TRIQK: variants seen among roughly 807,000 people sequenced by gnomAD.
The protein encoded by TRIQK is triple QxxK/R motif containing, also known as triple QxxK/R motif-containing protein.
In TRIQK, 10 loss-of-function variants were observed where a neutral mutation model predicts 10.8. That is an observed-to-expected ratio of 0.92 (90% CI 0.57 to 1.57). The LOEUF (loss-of-function observed/expected upper bound fraction) is 1.57, where lower values mean the gene tolerates loss of function less well. Among genes scored for constraint, TRIQK ranks in the 40% most tolerant of loss-of-function variants. TRIQK has a pLI of 0.00. For synonymous variants in TRIQK, 33 were observed against 33.7 expected (o/e 0.98, Z 0.07); for missense variants, 107 against 97.7 (o/e 1.09, Z -0.40).
chr8:92,930,057 A>T (rs999932182), intron 2 of TRIQK, among the ~76,000 whole-genome samples: 2 of 151,666 alleles, frequency 1.3e-5, no homozygotes, highest in African/African-American at 2.4e-5. Flanking sequence ...ATAAAAAATA[A>T]AAATAAATAA....
At chr8:93,004,785 A>C (rs1453623468) in intron 1 of TRIQK, among the ~76,000 whole-genome samples, 2 of 152,226 alleles carry the variant, frequency 1.3e-5, no homozygotes, top group Admixed American at 1.3e-4. Context: ...TCCCTACAGC[A>C]GGGGCACAAT....
chr8:92,968,653 T>C (rs937159513), upstream of TRIQK, among the ~76,000 whole-genome samples: 1 of 151,480 alleles, frequency 6.6e-6, no homozygotes, highest in Non-Finnish European at 1.5e-5. Context: ...CGGTTGTTTG[T>C]TTTTTTCTTG....
At chr8:92,992,057 A>C (rs379345) in intron 1 of TRIQK, among the ~76,000 whole-genome samples, 104,774 of 152,016 alleles carry the variant, frequency 0.69, 36,486 homozygotes, top group South Asian at 0.78. Context: ...TGAGCAAGAC[A>C]CTGTCTCAAA....
chr8:92,960,304 T>C (rs1812387764), intron 1 of TRIQK, among the ~76,000 whole-genome samples: 1 of 152,170 alleles, frequency 6.6e-6, no homozygotes, highest in Non-Finnish European at 1.5e-5. Context: ...ATATCATCTT[T>C]TTATGATTTC....
intron 2 of TRIQK, among the ~76,000 whole-genome samples, chr8:92,930,850 T>C (rs1380560185): frequency 2.6e-5 from 4 of 152,082 alleles, no homozygotes; most frequent in Admixed American, 1.3e-4. Flanking sequence ...ATCACAGGAA[T>C]AAAAAAACTT....
chr8:92,901,799 A>T (rs10102922), intron 3 of TRIQK, among the ~76,000 whole-genome samples: 3 of 152,002 alleles, frequency 2.0e-5, no homozygotes, highest in African/African-American at 4.8e-5. Flanking sequence ...CTATTTTTTG[A>T]AAGTTTGAGT....
At position 92,931,878 on chromosome 8, in the gene TRIQK, C is replaced by T. The variant is rs149610863; in HGVS notation, c.-21-14868G>A. Among the ~76,000 whole-genome samples, 26 of 152,158 alleles carry T rather than the reference C, an allele frequency of 1.7e-4. No individual in the cohort carries two copies. The East Asian group carries it at 3.1e-3, about 18-fold the overall frequency. On this transcript the variant is annotated intron_variant, in intron 2 of 4. Transcript: ENST00000521988. ...TAGTTTTATCACCCATAAGGTGTTG[C>T]GGTACCAGGAAAGAATGGCAAGTCT... is the stretch of plus-strand genomic sequence containing the variant.
At chr8:92,981,252 T>C (rs963147283) in intron 1 of TRIQK, among the ~76,000 whole-genome samples, 1 of 151,908 alleles carries the variant, frequency 6.6e-6, no homozygotes, top group African/African-American at 2.4e-5. Context: ...GGTGGCTTTT[T>C]TGAGGTCTCT....
intron 2 of TRIQK, among the ~76,000 whole-genome samples, chr8:92,918,826 G>GT (rs1810010830): frequency 6.6e-6 from 1 of 150,978 alleles, no homozygotes; most frequent in Admixed American, 6.6e-5. Context: ...TTTTCCCAAT[G>GT]TTTTTTTCCA....
chr8:92,898,833 G>GTGTATA (rs1256723943), intron 3 of TRIQK, among the ~76,000 whole-genome samples: 4 of 73,920 alleles, frequency 5.4e-5, no homozygotes, highest in South Asian at 5.7e-4. Context: ...GTGTGTGTGT[G>GTGTATA]TATATATATA....
chr8:93,000,876 A>C (rs1159723858), intron 1 of TRIQK, among the ~76,000 whole-genome samples: 6 of 143,810 alleles, frequency 4.2e-5, no homozygotes, highest in Non-Finnish European at 7.5e-5. Flanking sequence ...CCAAACCACA[A>C]AGGATTAAAA....
chr8:93,008,538 CA>C (rs1813296981), intron 1 of TRIQK, among the ~76,000 whole-genome samples: 1 of 152,010 alleles, frequency 6.6e-6, no homozygotes, highest in Non-Finnish European at 1.5e-5. Flanking sequence ...GAATCCAAAG[CA>C]ATCTTCAAAA....
intron 3 of TRIQK, among the ~76,000 whole-genome samples, chr8:92,895,890 T>C (rs1808566071): frequency 6.6e-6 from 1 of 151,878 alleles, no homozygotes; most frequent in Non-Finnish European, 1.5e-5. Flanking sequence ...GAGGAAAAGA[T>C]TTATAAAACT....
intron 2 of TRIQK, among the ~76,000 whole-genome samples, chr8:92,937,818 T>G (rs1811069784): frequency 6.6e-6 from 1 of 151,942 alleles, no homozygotes; most frequent in South Asian, 2.1e-4. Flanking sequence ...CTTTGGGATA[T>G]TATTGTCATA....
At chr8:92,892,737 T>G (rs978379716) in intron 3 of TRIQK, among the ~76,000 whole-genome samples, 3 of 151,966 alleles carry the variant, frequency 2.0e-5, no homozygotes, top group Non-Finnish European at 4.4e-5. Context: ...GCCAAAAATG[T>G]GCGAAACTGA....
At chr8:92,931,480 C>T (rs1434804287) in intron 2 of TRIQK, among the ~76,000 whole-genome samples, 1 of 152,082 alleles carries the variant, frequency 6.6e-6, no homozygotes, top group African/African-American at 2.4e-5. Context: ...TCAAACAATG[C>T]ACATTATCAT....
At chr8:92,892,739 C>T (rs942322902) in intron 3 of TRIQK, among the ~76,000 whole-genome samples, 36 of 151,744 alleles carry the variant, frequency 2.4e-4, no homozygotes, top group Non-Finnish European at 3.5e-4. Context: ...CAAAAATGTG[C>T]GAAACTGAGT....
At chr8:93,002,076 A>G (rs1813216728) in intron 1 of TRIQK, among the ~76,000 whole-genome samples, 1 of 152,138 alleles carries the variant, frequency 6.6e-6, no homozygotes, top group Non-Finnish European at 1.5e-5. Flanking sequence ...TTTCAGACAA[A>G]TGGAAATTGC....
At chr8:92,978,383 T>C (rs966071100) in intron 1 of TRIQK, among the ~76,000 whole-genome samples, 8 of 152,172 alleles carry the variant, frequency 5.3e-5, no homozygotes, top group Admixed American at 2.0e-4. Flanking sequence ...TAATAGATGT[T>C]GTCCAAATTT....
Sources: allele counts gnomAD v4.1 joint callset (sites outside exome capture counted in the v4.1 genomes callset), GRCh38; gene constraint gnomAD v4.1.1; transcripts MANE v1.5; gene names NCBI Gene and HGNC (gene_info 2026-07-23, HGNC 2026-07-21).